SERPINB8: variants seen among roughly 807,000 people sequenced by gnomAD.
The protein encoded by SERPINB8 is serpin B8.
SERPINB8 carries 25 observed loss-of-function variants against 35.3 expected under a neutral mutation model. The observed-to-expected ratio is 0.71, with a 90% CI of 0.52 to 0.99. SERPINB8 has a LOEUF of 0.99. Ranked by LOEUF, SERPINB8 falls within the 50% of genes least tolerant of loss-of-function variation. The probability of loss-of-function intolerance (pLI) is 0.00; values close to 1 mark genes in which losing one functional copy is unlikely to be tolerated. For missense variants in SERPINB8, 484 were observed against 446.5 expected (o/e 1.08, Z -0.76); for synonymous variants, 186 against 160.8 (o/e 1.16, Z -1.19).
At chr18:63,978,616 C>A in intron 2 of SERPINB8, 140 bp downstream of exon 2, 1 of 871,890 alleles carries the variant, frequency 1.1e-6, no homozygotes, top group Non-Finnish European at 1.8e-6. Context: ...TGGAGAAGAG[C>A]AGAAAGGGGT....
chr18:63,972,858 T>G (rs2050512319), intron 1 of SERPINB8, among the ~76,000 whole-genome samples: 2 of 152,182 alleles, frequency 1.3e-5, no homozygotes, highest in Admixed American at 1.3e-4. Flanking sequence ...CCATGGTGTA[T>G]ATATGCCACA....
chr18:64,005,149 T>G, exon 2 of SERPINB8: 1 of 289,550 alleles, frequency 3.5e-6, no homozygotes, highest in Non-Finnish European at 6.3e-6. Context: ...AAATGCACAG[T>G]GAAATACCAC....
rs1397753127 is a variant in SERPINB8 at position 63,979,812 on chromosome 18, A to C, written c.180A>C (p.Leu60Phe). Reference protein sequence around the residue: ...TAAQMSQALCLYKDGDIHRGF... With the variant: ...TAAQMSQALCFYKDGDIHRGF... ...GTTTCTGTTCCCAGGCACTTTGTTT[A>C]TACAAAGACGGAGATATTCACCGAG... The change falls in exon 3 of 7, where the codon TTA becomes TTC. Residue 60 changes from leucine (L) to phenylalanine (F), a missense_variant. Coordinates refer to ENST00000397985, the MANE Select transcript of SERPINB8 (RefSeq NM_002640.4). 1.2e-6 allele frequency: 2 copies of C among 1,614,148 alleles called. No homozygotes were observed. The highest frequency in any genetic ancestry group is 1.7e-6 in the Non-Finnish European group (2 of 1,180,002).
chr18:64,008,030 A>G (rs756702682), downstream of SERPINB8, among the ~76,000 whole-genome samples: 5 of 152,196 alleles, frequency 3.3e-5, no homozygotes, highest in South Asian at 6.2e-4. Context: ...CAAAGTTATT[A>G]TAAGACTATT....
In SERPINB8 at chr18:63,987,103, G is replaced by C; in HGVS notation, c.950G>C (p.Cys317Ser). ...NVPLSKVAHK[C>S]FVEVNEEGTE... is the part of the protein sequence containing the mutation. ...CCTCTGTCCAAGGTTGCCCACAAGT[G>C]CTTCGTGGAGGTCAATGAGGAAGGC... The change falls in exon 7 of 7, where the codon TGC (cysteine) becomes TCC (serine). Residue 317 changes from cysteine to serine, a missense_variant. Cys to Ser is a moderately radical substitution (Grantham distance 112, BLOSUM62 -1). Transcript: ENST00000397985. 6.2e-7 allele frequency: 1 copy of C among 1,614,186 alleles called. No homozygotes were observed. The highest frequency in any genetic ancestry group is 8.5e-7 in the Non-Finnish European group (1 of 1,180,036).
At chr18:63,998,058 A>C (rs903112109) in intron 1 of SERPINB8, among the ~76,000 whole-genome samples, 4 of 152,238 alleles carry the variant, frequency 2.6e-5, no homozygotes, top group African/African-American at 9.6e-5. Context: ...AAAGATGCCA[A>C]CACAGCATGA....
chr18:63,992,603 C>T (rs1568281704), downstream of SERPINB8, among the ~76,000 whole-genome samples: 1 of 152,180 alleles, frequency 6.6e-6, no homozygotes, highest in Non-Finnish European at 1.5e-5. Context: ...ACATTGATTT[C>T]TGCTCTGATC....
At chr18:64,016,289 T>C (rs1405711586) in intron 7 of SERPINB8, among the ~76,000 whole-genome samples, 1 of 152,182 alleles carries the variant, frequency 6.6e-6, no homozygotes, top group Admixed American at 6.5e-5. Context: ...AGACCGTTTT[T>C]CCCAAATCCC....
At chr18:63,980,032 CG>C in intron 3 of SERPINB8, 94 bp downstream of exon 3, 1 of 1,263,862 alleles carries the variant, frequency 7.9e-7, no homozygotes, top group Non-Finnish European at 1.1e-6. Flanking sequence ...TGACTTAAAA[CG>C]TGCTTGGAAT....
At chr18:63,991,535 T>C (rs2050824909), downstream of SERPINB8, among the ~76,000 whole-genome samples, 1 of 151,876 alleles carries the variant, frequency 6.6e-6, no homozygotes, top group African/African-American at 2.4e-5. Context: ...TATGGAAATA[T>C]AATACAGGTT....
At chr18:63,975,823 T>C (rs1377776037) in intron 1 of SERPINB8, among the ~76,000 whole-genome samples, 1 of 152,188 alleles carries the variant, frequency 6.6e-6, no homozygotes, top group Non-Finnish European at 1.5e-5. Flanking sequence ...GAAGATACTT[T>C]GGTTAATACA....
chr18:63,991,422 C>A (rs948545060), downstream of SERPINB8, among the ~76,000 whole-genome samples: 10 of 151,484 alleles, frequency 6.6e-5, no homozygotes, highest in African/African-American at 2.4e-4. Flanking sequence ...GTATACAAGT[C>A]TGGCACAAAT....
rs566979962 is a variant in SERPINB8, at chr18:63,978,537, T to C, written c.168+61T>C. ...TGTTTCCCTTGTGCTTCCATACAGC[T>C]GTCTTTCTGTACTTTTGCTCTAGCT... On this transcript the variant is annotated intron_variant, in intron 2 of 6. Transcript: ENST00000397985. 8 of 1,579,594 alleles carry C rather than the reference T, an allele frequency of 5.1e-6. No individual in the cohort carries two copies. In the East Asian group the frequency reaches 1.8e-4, roughly 35 times the overall value.
chr18:63,985,935 C>T (rs762664913), intron 6 of SERPINB8, among the ~76,000 whole-genome samples: 4 of 152,142 alleles, frequency 2.6e-5, no homozygotes, highest in Non-Finnish European at 5.9e-5. Context: ...ATGGTAAATA[C>T]TCCCACCATG....
Position 63,979,877 on chromosome 18 carries a change from C to G in SERPINB8, c.245C>G (p.Thr82Ser). The G allele has an allele frequency of 6.2e-7, 1 of 1,614,032 alleles. No homozygotes were observed. The highest frequency in any genetic ancestry group is 8.5e-7 in the Non-Finnish European group (1 of 1,179,910). ...CTCAGTGAAGTTAACAGAACTGGCA[C>G]TCAGTACTTGCTTAGAACTGCCAAC... ...SLLSEVNRTG[T>S]QYLLRTANRL... Residue 82 changes from threonine (T) to serine (S), a missense_variant, in exon 3 of 7, where the codon ACT becomes AGT. Transcript: ENST00000397985.
intron 1 of SERPINB8, among the ~76,000 whole-genome samples, chr18:63,997,151 A>C (rs887360330): frequency 9.2e-5 from 14 of 152,248 alleles, no homozygotes; most frequent in Non-Finnish European, 5.9e-5. Flanking sequence ...GCTGAAAGGG[A>C]GTCAGCCAAA....
intron 1 of SERPINB8, among the ~76,000 whole-genome samples, chr18:63,971,780 C>G (rs1193520116): frequency 6.6e-6 from 1 of 152,158 alleles, no homozygotes; most frequent in African/African-American, 2.4e-5. Flanking sequence ...CTTTCCAGAC[C>G]ATAATCTCAA....
At chr18:64,019,645 A>G (rs1599175961) in exon 8 of SERPINB8, 1 of 151,960 alleles carries the variant, frequency 6.6e-6, no homozygotes, top group Non-Finnish European at 1.5e-5. Flanking sequence ...CCACAGCAAC[A>G]CTGATCTACC....
exon 2 of SERPINB8, chr18:64,005,024 G>A (rs1244625348): frequency 1.5e-5 from 6 of 394,288 alleles, no homozygotes; most frequent in East Asian, 7.2e-5. Context: ...ATTGCAACCT[G>A]CGAGCTTCTT....
Sources: allele counts gnomAD v4.1 joint callset (sites outside exome capture counted in the v4.1 genomes callset), GRCh38; gene constraint gnomAD v4.1.1; transcripts MANE v1.5; gene names NCBI Gene and HGNC (gene_info 2026-07-23, HGNC 2026-07-21).